TSHZ3: variants seen among roughly 807,000 people sequenced by gnomAD.
The protein encoded by TSHZ3 is teashirt zinc finger homeobox 3.
A neutral mutation model predicts 64.5 loss-of-function variants in TSHZ3; 10 were observed. The ratio of observed to expected loss-of-function variants is 0.16; its 90% CI spans 0.10 to 0.26. The LOEUF (loss-of-function observed/expected upper bound fraction) is 0.26. TSHZ3 is among the 10% of genes least tolerant of loss of function. TSHZ3 has a pLI of 1.00. For synonymous variants in TSHZ3, 608 were observed against 593.1 expected, an observed-to-expected ratio of 1.03 and a Z score of -0.36; for missense variants, 1,242 against 1,421.7, an observed-to-expected ratio of 0.87 and a Z score of 2.03.
At chr19:31,315,341 C>T (rs910279012) in intron 1 of TSHZ3, among the ~76,000 whole-genome samples, 1 of 152,248 alleles carries the variant, frequency 6.6e-6, no homozygotes, top group Non-Finnish European at 1.5e-5. Flanking sequence ...TGTCCCAAAG[C>T]GTCCCCGGTC....
intron 1 of TSHZ3, among the ~76,000 whole-genome samples, chr19:31,253,347 G>A (rs1005740237): frequency 6.6e-6 from 1 of 152,046 alleles, no homozygotes; most frequent in Non-Finnish European, 1.5e-5. Flanking sequence ...ATAAGAAGAA[G>A]AAAGAACAGG....
chr19:31,266,230 C>T (rs1461953101), intron 1 of TSHZ3, among the ~76,000 whole-genome samples: 1 of 152,108 alleles, frequency 6.6e-6, no homozygotes, highest in Admixed American at 6.5e-5. Flanking sequence ...TCTCAAAGGG[C>T]CTGCAACCCC....
chr19:31,309,008 C>T (rs1286563045), intron 1 of TSHZ3, among the ~76,000 whole-genome samples: 5 of 152,256 alleles, frequency 3.3e-5, no homozygotes, highest in African/African-American at 1.2e-4. Context: ...GCTCAGTCTT[C>T]TGTGAGCCAG....
chr19:31,334,898 C>G (rs760079784), intron 1 of TSHZ3, among the ~76,000 whole-genome samples: 1 of 152,148 alleles, frequency 6.6e-6, no homozygotes, highest in Non-Finnish European at 1.5e-5. Flanking sequence ...AGCCAAATCT[C>G]CTCTAAAGAA....
At chr19:31,170,057 A>G (rs1347080063) in intron 5 of TSHZ3, among the ~76,000 whole-genome samples, 4 of 152,218 alleles carry the variant, frequency 2.6e-5, no homozygotes, top group Non-Finnish European at 5.9e-5. Flanking sequence ...TTTGAAAGCC[A>G]TGGAGCCTCA....
intron 1 of TSHZ3, among the ~76,000 whole-genome samples, chr19:31,299,483 T>A (rs984476172): frequency 6.6e-6 from 1 of 152,140 alleles, no homozygotes; most frequent in African/African-American, 2.4e-5. Context: ...TTCTTCTTGA[T>A]CAAGAGGGAA....
At chr19:31,184,419 G>A (rs1454092148) in intron 5 of TSHZ3, among the ~76,000 whole-genome samples, 1 of 151,948 alleles carries the variant, frequency 6.6e-6, no homozygotes, top group Admixed American at 6.5e-5. Context: ...TTTATGGAGA[G>A]AGGCATTTCT....
At chr19:31,245,258 G>A (rs970839286) in intron 1 of TSHZ3, among the ~76,000 whole-genome samples, 5 of 152,202 alleles carry the variant, frequency 3.3e-5, no homozygotes, top group South Asian at 2.1e-4. Flanking sequence ...ACCTTAAGTA[G>A]GAGAAAGCTG....
At chr19:31,212,473 T>G (rs918129857) in intron 4 of TSHZ3, among the ~76,000 whole-genome samples, 8 of 151,570 alleles carry the variant, frequency 5.3e-5, no homozygotes, top group East Asian at 3.9e-4. Context: ...TAAAAATAAA[T>G]AAAGAAAAAT....
chr19:31,154,438 T>C (rs1411090455), intron 6 of TSHZ3, among the ~76,000 whole-genome samples: 1 of 152,180 alleles, frequency 6.6e-6, no homozygotes, highest in Non-Finnish European at 1.5e-5. Flanking sequence ...CTGTCCTTCA[T>C]TCCTCAGTGG....
At chr19:31,326,243 A>G (rs1424466947) in intron 1 of TSHZ3, among the ~76,000 whole-genome samples, 2 of 152,268 alleles carry the variant, frequency 1.3e-5, no homozygotes, top group African/African-American at 2.4e-5. Context: ...CTAGAAGACT[A>G]TACTACAAAC....
At chr19:31,310,408 C>T (rs1916424176) in intron 1 of TSHZ3, among the ~76,000 whole-genome samples, 2 of 152,244 alleles carry the variant, frequency 1.3e-5, no homozygotes, top group Middle Eastern at 3.4e-3. Flanking sequence ...TGGTGCAGCA[C>T]CGATCCTGTG....
At chr19:31,262,532 C>CT (rs879408203) in intron 1 of TSHZ3, among the ~76,000 whole-genome samples, 145 of 151,854 alleles carry the variant, frequency 9.5e-4, no homozygotes, top group African/African-American at 2.3e-3. Context: ...TCTTTCTGTG[C>CT]TTTTTTTTAA....
chr19:31,181,393 G>A (rs1974711586), intron 5 of TSHZ3, among the ~76,000 whole-genome samples: 1 of 152,136 alleles, frequency 6.6e-6, no homozygotes, highest in Non-Finnish European at 1.5e-5. Flanking sequence ...CATGTTATCT[G>A]TTTTGGAAGA....
chr19:31,193,615 C>G (rs966928486), intron 5 of TSHZ3, among the ~76,000 whole-genome samples: 4 of 152,162 alleles, frequency 2.6e-5, no homozygotes, highest in African/African-American at 4.8e-5. Context: ...TTGTGCCTCA[C>G]TCTTCTCATA....
intron 1 of TSHZ3, among the ~76,000 whole-genome samples, chr19:31,285,935 G>A (rs866527356): frequency 6.6e-6 from 1 of 152,098 alleles, no homozygotes; most frequent in Non-Finnish European, 1.5e-5. Context: ...GGACTGTGAG[G>A]GGGAGGAGGT....
intron 3 of TSHZ3, among the ~76,000 whole-genome samples, chr19:31,235,696 C>CTTT (rs1568355733): frequency 2.4e-4 from 18 of 75,074 alleles, no homozygotes; most frequent in African/African-American, 1.1e-3. Context: ...TTCTCCTCTT[C>CTTT]TTCTTTTTTT....
At chr19:31,314,214 C>T (rs921755869) in intron 1 of TSHZ3, among the ~76,000 whole-genome samples, 2 of 152,232 alleles carry the variant, frequency 1.3e-5, no homozygotes, top group African/African-American at 4.8e-5. Context: ...TCTTTCCCTA[C>T]AGTCTGCACG....
At chr19:31,170,476 GC>G (rs1325033961) in intron 5 of TSHZ3, among the ~76,000 whole-genome samples, 3 of 152,098 alleles carry the variant, frequency 2.0e-5, no homozygotes, top group Non-Finnish European at 4.4e-5. Context: ...CCTACATTCA[GC>G]CCATAACAAA....
Sources: allele counts gnomAD v4.1 joint callset (sites outside exome capture counted in the v4.1 genomes callset), GRCh38; gene constraint gnomAD v4.1.1; transcripts MANE v1.5; gene names NCBI Gene and HGNC (gene_info 2026-07-23, HGNC 2026-07-21).